The following FBXO30 variants were observed in gnomAD, a reference collection of about 807,000 sequenced individuals.
FBXO30 encodes F-box protein 30.
A neutral mutation model predicts 58.1 loss-of-function variants in FBXO30; 21 were observed. That is an observed-to-expected ratio of 0.36 (90% confidence interval 0.26 to 0.52). The LOEUF (loss-of-function observed/expected upper bound fraction) is 0.52, where lower values mean the gene tolerates loss of function less well. FBXO30 is among the 20% of genes least tolerant of loss of function. The probability of loss-of-function intolerance (pLI) is 0.93; values close to 1 mark genes in which losing one functional copy is unlikely to be tolerated. For synonymous variants in FBXO30, 309 were observed against 312.4 expected (o/e 0.99, Z 0.11); for missense variants, 744 against 897.3 (o/e 0.83, Z 2.18).
At position 145,798,885 on chromosome 6, in the gene FBXO30, A is replaced by G. The variant is rs1321302093; in HGVS notation, c.*1221T>C. On this transcript the variant is annotated 3_prime_UTR_variant, in exon 3 of 3. Transcript: ENST00000237281. ...AATGCTAATTTACTTAAGACAAATT[A>G]TTTAAGTATATATTCCCACCTTTGC... 1 of 152,104 alleles carries G rather than the reference A, an allele frequency of 6.6e-6. No homozygotes were observed. Among genetic ancestry groups the G allele is most frequent in the Admixed American group, 6.6e-5 (1 of 15,250 alleles). The allele number at this position is 152,104 out of a possible 1,614,324, so 9.4% of individuals were successfully genotyped here. A position where few individuals can be genotyped will look rare whatever the true frequency, so the allele number is the denominator to read the frequency against.
chr6:145,803,278 A>G (rs942359602), intron 2 of FBXO30, among the ~76,000 whole-genome samples: 12 of 152,152 alleles, frequency 7.9e-5, no homozygotes, highest in African/African-American at 2.4e-4. Context: ...TCATATGGAA[A>G]ACAAAAATAC....
intron 1 of FBXO30, among the ~76,000 whole-genome samples, chr6:145,812,131 TTC>T (rs1256768851): frequency 6.6e-6 from 1 of 152,198 alleles, no homozygotes; most frequent in Non-Finnish European, 1.5e-5. Flanking sequence ...AATGTGTACA[TTC>T]TTTTATTAAA....
At chr6:145,802,604 T>TC (rs1476995143) in intron 2 of FBXO30, among the ~76,000 whole-genome samples, 1 of 152,140 alleles carries the variant, frequency 6.6e-6, no homozygotes, top group Non-Finnish European at 1.5e-5. Context: ...CTGGGCTCTA[T>TC]CCAGGGGTGA....
Position 145,805,753 on chromosome 6 carries a change from A to T in FBXO30, c.653T>A (p.Met218Lys). The T allele has an allele frequency of 6.2e-7, 1 of 1,614,062 alleles. No homozygotes were observed. Among genetic ancestry groups the T allele is most frequent in the Middle Eastern group, 1.6e-4 (1 of 6,062 alleles). The part of the protein sequence containing the change: ...GMLNTSVPND[M>K]DEQQNARESL... ...TTCTCTCGCATTTTGCTGTTCATCCATGTCATTTGGGACACTTGTATTTAA... is the reference window on the plus strand; with the variant it reads ...TTCTCTCGCATTTTGCTGTTCATCCTTGTCATTTGGGACACTTGTATTTAA... Residue 218 changes from methionine (M) to lysine (K), a missense_variant, in exon 2 of 3, where the codon ATG (methionine) becomes AAG (lysine). By Grantham distance (95) the Met-to-Lys change is moderately conservative. Coordinates refer to ENST00000237281, the MANE Select transcript of FBXO30 (RefSeq NM_032145.5).
chr6:145,809,782 CTG>C (rs1778284545), intron 1 of FBXO30: 1 of 152,164 alleles, frequency 6.6e-6, no homozygotes, highest in African/African-American at 2.4e-5. Context: ...CTGGAGGAAA[CTG>C]AGGTTCAGAA....
rs1777829300 is a variant in FBXO30, at chr6:145,794,357, A to T, written c.*5749T>A. 1.3e-5 allele frequency: 2 copies of T among 151,952 alleles called. No homozygotes were observed. Among genetic ancestry groups the T allele is most frequent in the South Asian group, 2.1e-4 (1 of 4,832 alleles). The allele number at this position is 151,952 out of a possible 1,614,324, so 9.4% of individuals were successfully genotyped here. The stretch of plus-strand genomic sequence containing the variant: ...CTTAGGTAAGCCAATCGGCGCAATG[A>T]CCTTTCAGAATGCAGTTAAAGTTTT... On this transcript the variant is annotated 3_prime_UTR_variant, in exon 3 of 3. Coordinates refer to ENST00000237281, the MANE Select transcript of FBXO30 (RefSeq NM_032145.5).
At chr6:145,802,732 G>T (rs1397825610) in intron 2 of FBXO30, among the ~76,000 whole-genome samples, 1 of 152,066 alleles carries the variant, frequency 6.6e-6, no homozygotes, top group Admixed American at 6.6e-5. Flanking sequence ...GGCCCAAATG[G>T]AAGTAGGAAC....
At chr6:145,801,108 A>G (rs1465872133) in intron 2 of FBXO30, among the ~76,000 whole-genome samples, 1 of 152,136 alleles carries the variant, frequency 6.6e-6, no homozygotes, top group Non-Finnish European at 1.5e-5. Flanking sequence ...CCTCATCTTT[A>G]CAAATGAAAC....
At position 145,811,168 on chromosome 6, in the gene FBXO30, TAG is replaced by T. The variant is rs1778323291; in HGVS notation, c.-17+3433_-17+3434del. On this transcript the variant is annotated intron_variant, in intron 1 of 2. Transcript: ENST00000237281. ...CCTACATTCAAAATTCTGCCTCAAT[TAG>T]AGACTCATTTGTATTAAATATACGA... Among the ~76,000 whole-genome samples the T allele has an allele frequency of 8.5e-5, 13 of 152,258 alleles. No homozygotes were observed. In the South Asian group the frequency reaches 2.7e-3, roughly 32 times the overall value.
intron 1 of FBXO30, among the ~76,000 whole-genome samples, chr6:145,811,395 A>G (rs1778330282): frequency 6.6e-6 from 1 of 152,224 alleles, no homozygotes. Context: ...CAGGCATTAT[A>G]TATGGAGTAG....
chr6:145,804,337 T>A (rs370439518), intron 2 of FBXO30, 35 bp downstream of exon 2: 2 of 1,533,176 alleles, frequency 1.3e-6, no homozygotes, highest in Non-Finnish European at 1.8e-6. Flanking sequence ...AAGTCCTCTT[T>A]ATGTCAAATA....
At chr6:145,803,410 T>C (rs1314279282) in intron 2 of FBXO30, among the ~76,000 whole-genome samples, 1 of 152,128 alleles carries the variant, frequency 6.6e-6, no homozygotes, top group African/African-American at 2.4e-5. Flanking sequence ...GTGGATGTAG[T>C]ATTCTGAAAA....
In FBXO30 at chr6:145,809,624, C is replaced by T. The variant is rs370861853; in HGVS notation, c.-16-3203G>A. On this transcript the variant is annotated intron_variant, in intron 1 of 2. Coordinates refer to ENST00000237281, the MANE Select transcript of FBXO30 (RefSeq NM_032145.5). The stretch of plus-strand genomic sequence containing the variant: ...CTTCAAACAAATAGTCTCTTTTACA[C>T]TACCCATCCCCCTTTGAATAAGGTT... 1.7e-4 allele frequency among the ~76,000 whole-genome samples: 26 copies of T among 152,322 alleles called. No individual in the cohort carries two copies. The South Asian group carries it at 4.4e-3, about 26-fold the overall frequency.
rs768340091 is a variant in FBXO30 at position 145,795,420 on chromosome 6, A to T, written c.*4686T>A. ...TGAAGAACCATTCCCTAGTATTTGC[A>T]TGCAAATGGGTTAATAAAATGATTT... is the stretch of plus-strand genomic sequence containing the variant. On this transcript the variant is annotated 3_prime_UTR_variant, in exon 3 of 3. Transcript: ENST00000237281. 9.9e-5 allele frequency: 15 copies of T among 151,902 alleles called. No individual in the cohort carries two copies. The highest frequency in any genetic ancestry group is 1.6e-4 in the Non-Finnish European group (11 of 67,830). The allele number at this position is 151,902 out of a possible 1,614,324, so 9.4% of individuals were successfully genotyped here.
intron 1 of FBXO30, among the ~76,000 whole-genome samples, chr6:145,808,958 C>T (rs1201307668): frequency 6.6e-6 from 1 of 152,156 alleles, no homozygotes; most frequent in African/African-American, 2.4e-5. Flanking sequence ...GTACCTGAAT[C>T]ATCATCAACA....
chr6:145,805,325 C>T lies in FBXO30; in HGVS notation c.1081G>A (p.Gly361Ser). 1 of 1,614,090 alleles carries T rather than the reference C, an allele frequency of 6.2e-7. No individual in the cohort carries two copies. The highest frequency in any genetic ancestry group is 2.2e-5 in the East Asian group (1 of 44,886). ...VQHILMPDDE[G>S]EGELCWKKVD... ...TTTTTCCAACACAATTCACCTTCAC[C>T]TTCATCATCTGGCATGAGGATATGC... The change falls in exon 2 of 3, where the codon GGT becomes AGT. Residue 361 changes from glycine (G) to serine (S), a missense_variant. Physicochemically the swap from Gly to Ser is moderately conservative, Grantham distance 56. Transcript: ENST00000237281.
intron 2 of FBXO30, among the ~76,000 whole-genome samples, chr6:145,802,344 GT>G (rs573362076): frequency 1.6e-3 from 245 of 152,224 alleles, no homozygotes; most frequent in Middle Eastern, 3.4e-3. Context: ...ATTAACCTCT[GT>G]TTCTTTGTCT....
Position 145,800,030 on chromosome 6 carries a change from A to T in FBXO30, c.*76T>A, listed in dbSNP as rs1777947382. 1 of 1,039,180 alleles carries T rather than the reference A, an allele frequency of 9.6e-7. No individual in the cohort carries two copies. Among genetic ancestry groups the T allele is most frequent in the Non-Finnish European group, 1.4e-6 (1 of 692,152 alleles). 64.4% of individuals were successfully genotyped at this position (1,039,180 alleles called of 1,614,324 possible). ...AATTTAGCTAGTTGTAATATTTAATACATTAATAAAGTTTCACATATTACA... is the reference window on the plus strand; with the variant it reads ...AATTTAGCTAGTTGTAATATTTAATTCATTAATAAAGTTTCACATATTACA... On this transcript the variant is annotated 3_prime_UTR_variant, in exon 3 of 3. Transcript: ENST00000237281.
In FBXO30 at chr6:145,795,719, G is replaced by C. The variant is rs1383924626; in HGVS notation, c.*4387C>G. The stretch of plus-strand genomic sequence containing the variant: ...ATATAAAACAATCTGAATACAAAAT[G>C]CCAGTTTTGAAATGTGCTAAGGTAA... On this transcript the variant is annotated 3_prime_UTR_variant, in exon 3 of 3. Coordinates refer to ENST00000237281, the MANE Select transcript of FBXO30 (RefSeq NM_032145.5). The C allele has an allele frequency of 6.6e-6, 1 of 151,808 alleles. No homozygotes were observed. Among genetic ancestry groups the C allele is most frequent in the Non-Finnish European group, 1.5e-5 (1 of 67,830 alleles). 9.4% of individuals were successfully genotyped at this position (151,808 alleles called of 1,614,324 possible).
Sources: allele counts gnomAD v4.1 joint callset (sites outside exome capture counted in the v4.1 genomes callset), GRCh38; gene constraint gnomAD v4.1.1; transcripts MANE v1.5; gene names NCBI Gene and HGNC (gene_info 2026-07-23, HGNC 2026-07-21).